Variants in IPMK observed in about 807,000 individuals in gnomAD.
IPMK encodes the protein inositol polyphosphate multikinase, also known as inositol 1,3,4,6-tetrakisphosphate 5-kinase.
A neutral mutation model predicts 45.8 loss-of-function variants in IPMK; 17 were observed. The observed-to-expected ratio is 0.37, with a 90% CI of 0.25 to 0.56. The LOEUF (loss-of-function observed/expected upper bound fraction) is 0.56, where lower values mean the gene tolerates loss of function less well. Ranked by LOEUF, IPMK falls within the 20% of genes least tolerant of loss-of-function variation. IPMK has a pLI of 0.79. For missense variants in IPMK, 399 were observed against 498.0 expected (o/e 0.80, Z 1.89); for synonymous variants, 180 against 184.3 (o/e 0.98, Z 0.19).
At chr10:58,214,113 A>G (rs1012750998) in intron 4 of IPMK, among the ~76,000 whole-genome samples, 2 of 152,234 alleles carry the variant, frequency 1.3e-5, no homozygotes, top group Admixed American at 6.5e-5. Context: ...AAGCAAAATG[A>G]TAAAAGCCAG....
intron 1 of IPMK, among the ~76,000 whole-genome samples, chr10:58,259,034 A>C (rs943632599): frequency 2.0e-5 from 3 of 152,182 alleles, no homozygotes; most frequent in African/African-American, 4.8e-5. Context: ...GGAGGGAGGC[A>C]AAAAAGAACT....
intron 4 of IPMK, among the ~76,000 whole-genome samples, chr10:58,215,833 T>C (rs1286131780): frequency 6.6e-6 from 1 of 152,212 alleles, no homozygotes. Context: ...ATTTAATATT[T>C]GCTTGCACCT....
chr10:58,255,718 G>A (rs2132177205), intron 1 of IPMK, among the ~76,000 whole-genome samples: 1 of 152,024 alleles, frequency 6.6e-6, no homozygotes, highest in African/African-American at 2.4e-5. Context: ...AGGTGTGGTG[G>A]CTCACACCTA....
At chr10:58,260,277 G>A (rs1231026318) in intron 1 of IPMK, among the ~76,000 whole-genome samples, 1 of 151,062 alleles carries the variant, frequency 6.6e-6, no homozygotes, top group Non-Finnish European at 1.5e-5. Context: ...ACAGAAAGAA[G>A]AAAGAAGTGC....
chr10:58,244,657 AAAG>A (rs1356520620), intron 1 of IPMK, among the ~76,000 whole-genome samples: 3 of 152,180 alleles, frequency 2.0e-5, no homozygotes, highest in South Asian at 2.1e-4. Context: ...GTCTGTGTAG[AAAG>A]AAGTAGACAT....
chr10:58,251,165 T>C (rs1838874093), intron 1 of IPMK, among the ~76,000 whole-genome samples: 1 of 152,200 alleles, frequency 6.6e-6, no homozygotes, highest in South Asian at 2.1e-4. Context: ...ACTGCTTTTC[T>C]TGCATCCCAT....
chr10:58,255,300 T>C (rs1047061897), intron 1 of IPMK, among the ~76,000 whole-genome samples: 2 of 152,108 alleles, frequency 1.3e-5, no homozygotes, highest in Non-Finnish European at 1.5e-5. Context: ...GGAGCTGGAG[T>C]GGGCTTTCCA....
At chr10:58,235,925 T>G (rs1838605380) in intron 2 of IPMK, among the ~76,000 whole-genome samples, 1 of 151,892 alleles carries the variant, frequency 6.6e-6, no homozygotes, top group Non-Finnish European at 1.5e-5. Context: ...AAGAACTTCT[T>G]AAAGAACTTT....
chr10:58,204,273 C>T (rs2653503), intron 4 of IPMK, among the ~76,000 whole-genome samples: 51,133 of 151,386 alleles, frequency 0.34, 10,815 homozygotes, highest in African/African-American at 0.61. Flanking sequence ...CCTAAAAACA[C>T]GTAAATACGT....
intron 3 of IPMK, among the ~76,000 whole-genome samples, chr10:58,218,361 G>C (rs1588957416): frequency 6.6e-6 from 1 of 152,298 alleles, no homozygotes; most frequent in African/African-American, 2.4e-5. Flanking sequence ...GATAACCATG[G>C]ATGGTATGAG....
chr10:58,204,919 T>C (rs1838050352), intron 4 of IPMK, among the ~76,000 whole-genome samples: 1 of 152,116 alleles, frequency 6.6e-6, no homozygotes, highest in Non-Finnish European at 1.5e-5. Context: ...AATATGAAAA[T>C]GGAAAACATT....
At chr10:58,229,092 C>T (rs1043289336) in intron 2 of IPMK, among the ~76,000 whole-genome samples, 1 of 152,110 alleles carries the variant, frequency 6.6e-6, no homozygotes, top group Non-Finnish European at 1.5e-5. Flanking sequence ...GCTTACTTCT[C>T]TCTCCCCCAA....
intron 1 of IPMK, among the ~76,000 whole-genome samples, chr10:58,257,564 T>C (rs1012660163): frequency 1.3e-5 from 2 of 152,076 alleles, no homozygotes; most frequent in African/African-American, 4.8e-5. Flanking sequence ...AGAAAGGTAC[T>C]GAGAAAATAT....
intron 3 of IPMK, among the ~76,000 whole-genome samples, chr10:58,223,372 G>C (rs1050826919): frequency 6.6e-6 from 1 of 151,940 alleles, no homozygotes; most frequent in East Asian, 1.9e-4. Flanking sequence ...GAAAAATCTC[G>C]AAAAATCTAC....
chr10:58,227,605 A>G (rs952900271), intron 2 of IPMK, among the ~76,000 whole-genome samples: 21 of 152,196 alleles, frequency 1.4e-4, no homozygotes, highest in African/African-American at 5.1e-4. Flanking sequence ...CCCTCATTAA[A>G]TAATATGTTA....
At chr10:58,242,684 T>A (rs987727247) in intron 1 of IPMK, among the ~76,000 whole-genome samples, 1 of 151,176 alleles carries the variant, frequency 6.6e-6, no homozygotes, top group Non-Finnish European at 1.5e-5. Flanking sequence ...GGAGAAAAAA[T>A]AAAAAGGAAG....
chr10:58,216,174 C>T lies in IPMK; in HGVS notation c.517G>A (p.Glu173Lys), dbSNP rs1838242005. ...ATGCCAAGCACCAAGAACCCAATCT[C>T]TTCCATTAATGGGTACTTGCTGACC... Reference protein sequence around the residue: ...QQVSKYPLMEEIGFLVLGMRV... With the variant: ...QQVSKYPLMEKIGFLVLGMRV... Residue 173 changes from glutamate (E) to lysine (K), a missense_variant, in exon 4 of 6, where the codon GAG becomes AAG. Coordinates refer to ENST00000373935, the MANE Select transcript of IPMK (RefSeq NM_152230.5). 3.7e-6 allele frequency: 6 copies of T among 1,608,112 alleles called. No homozygotes were observed. The highest frequency in any genetic ancestry group is 5.1e-6 in the Non-Finnish European group (6 of 1,177,990).
chr10:58,247,426 C>G (rs1331098906), intron 1 of IPMK, among the ~76,000 whole-genome samples: 22 of 151,266 alleles, frequency 1.5e-4, no homozygotes, highest in Admixed American at 5.9e-4. Flanking sequence ...CAATGATAGA[C>G]TGGATTAAGA....
chr10:58,223,863 G>A (rs1401232039), intron 3 of IPMK, among the ~76,000 whole-genome samples: 1 of 152,068 alleles, frequency 6.6e-6, no homozygotes, highest in East Asian at 1.9e-4. Flanking sequence ...TCTCTCTCCT[G>A]CCACCATGTA....
Sources: allele counts gnomAD v4.1 joint callset (sites outside exome capture counted in the v4.1 genomes callset), GRCh38; gene constraint gnomAD v4.1.1; transcripts MANE v1.5; gene names NCBI Gene and HGNC (gene_info 2026-07-23, HGNC 2026-07-21).